SCAPER: variants seen among roughly 807,000 people sequenced by gnomAD.
SCAPER encodes the protein S phase cyclin A-associated protein in the endoplasmic reticulum.
SCAPER carries 98 observed loss-of-function variants against 182.2 expected under a neutral mutation model. The ratio of observed to expected loss-of-function variants is 0.54; its 90% CI spans 0.46 to 0.64. The LOEUF (loss-of-function observed/expected upper bound fraction) is 0.64, where lower values mean the gene tolerates loss of function less well. Ranked by LOEUF, SCAPER falls within the 30% of genes least tolerant of loss-of-function variation. SCAPER has a pLI of 0.00. For missense variants in SCAPER, 1,432 were observed against 1,690.0 expected (o/e 0.85, Z 2.68); for synonymous variants, 605 against 564.6 (o/e 1.07, Z -1.01).
At chr15:76,442,961 C>A (rs922035135) in intron 25 of SCAPER, among the ~76,000 whole-genome samples, 1 of 152,054 alleles carries the variant, frequency 6.6e-6, no homozygotes, top group African/African-American at 2.4e-5. Context: ...ATTTAAAAAA[C>A]CAGTGAAAAA....
chr15:76,574,046 AAAAAACACAG>A, intron 23 of SCAPER, 102 bp downstream of exon 23: 1 of 1,054,948 alleles, frequency 9.5e-7, no homozygotes, highest in Non-Finnish European at 1.2e-6. Flanking sequence ...GACTAGCTTT[AAAAAACACAG>A]AAGAAAGGTA....
At chr15:76,800,128 A>G (rs2065649997) in intron 7 of SCAPER, 120 bp downstream of exon 7, 1 of 239,098 alleles carries the variant, frequency 4.2e-6, no homozygotes, top group African/African-American at 2.3e-5. Context: ...ACCTGTATAC[A>G]GTATTCTGCA....
chr15:76,478,477 CTT>C (rs1290574214), intron 24 of SCAPER, among the ~76,000 whole-genome samples: 2 of 151,932 alleles, frequency 1.3e-5, no homozygotes, highest in Non-Finnish European at 2.9e-5. Flanking sequence ...TTTAAAAATT[CTT>C]TCTCACTCTC....
intron 1 of SCAPER, among the ~76,000 whole-genome samples, chr15:76,887,904 G>C (rs2073939823): frequency 6.6e-6 from 1 of 152,170 alleles, no homozygotes; most frequent in East Asian, 1.9e-4. Flanking sequence ...CTCCCAGGAG[G>C]GGCCAACAGA....
At chr15:76,764,256 G>A (rs971466012) in intron 14 of SCAPER, among the ~76,000 whole-genome samples, 10 of 152,234 alleles carry the variant, frequency 6.6e-5, no homozygotes, top group African/African-American at 2.2e-4. Flanking sequence ...GCAGCTCAGG[G>A]AGCTAGAGTT....
intron 8 of SCAPER, chr15:76,793,327 T>C (rs932498459): frequency 1.4e-6 from 1 of 739,104 alleles, no homozygotes; most frequent in Non-Finnish European, 2.5e-6. Flanking sequence ...ATGTGTCTTT[T>C]TGTATGCTAA....
At chr15:76,419,937 C>G (rs926673930) in intron 26 of SCAPER, among the ~76,000 whole-genome samples, 6 of 152,114 alleles carry the variant, frequency 3.9e-5, no homozygotes, top group African/African-American at 1.4e-4. Flanking sequence ...AGATCATTCA[C>G]TGTAATTAGT....
At chr15:76,757,866 G>A (rs1268157616) in intron 14 of SCAPER, among the ~76,000 whole-genome samples, 2 of 152,124 alleles carry the variant, frequency 1.3e-5, no homozygotes, top group Non-Finnish European at 2.9e-5. Flanking sequence ...TAGATGCTGA[G>A]CACCTTTCCA....
Position 76,765,553 on chromosome 15 carries a change from T to C in SCAPER, c.1495+10A>G. ...CTGTACTACACACCCAATATGCATATACACAATACCTTCATAATCTGCAAG... is the reference window on the plus strand; with the variant it reads ...CTGTACTACACACCCAATATGCATACACACAATACCTTCATAATCTGCAAG... On this transcript the variant is annotated intron_variant, in intron 12 of 31. Coordinates refer to ENST00000563290, the MANE Select transcript of SCAPER (RefSeq NM_020843.4). The C allele has an allele frequency of 6.2e-7, 1 of 1,600,268 alleles. No homozygotes were observed.
chr15:76,469,441 GC>G (rs1416979400), intron 25 of SCAPER, among the ~76,000 whole-genome samples: 2 of 152,084 alleles, frequency 1.3e-5, no homozygotes, highest in African/African-American at 4.8e-5. Context: ...TTAACATTGA[GC>G]CAATAAAACA....
chr15:76,880,345 G>T (rs962351091), intron 2 of SCAPER, among the ~76,000 whole-genome samples: 6 of 152,174 alleles, frequency 3.9e-5, no homozygotes, highest in African/African-American at 1.4e-4. Flanking sequence ...TTTACTTCCT[G>T]ATGATTAAGA....
chr15:76,592,961 AC>A lies in SCAPER; in HGVS notation c.2712-18678del, dbSNP rs753264985. Among the ~76,000 whole-genome samples the A allele has an allele frequency of 2.5e-5, 3 of 118,168 alleles. 1 individual carries two copies. Among genetic ancestry groups the A allele is most frequent in the Non-Finnish European group, 6.2e-5 (3 of 48,426 alleles). 77.5% of individuals were successfully genotyped at this position (118,168 alleles called of 152,430 possible). On this transcript the variant is annotated intron_variant, in intron 22 of 31. Transcript: ENST00000563290. ...ATACCCCAGTGGCACCTGGAACACC[AC>A]CGAGACAGAACCATTCATTACCCTG... is the stretch of plus-strand genomic sequence containing the variant.
chr15:76,502,357 TG>T (rs1298412754), intron 24 of SCAPER, among the ~76,000 whole-genome samples: 1 of 152,028 alleles, frequency 6.6e-6, no homozygotes, highest in African/African-American at 2.4e-5. Flanking sequence ...TTAAGAAAAA[TG>T]TGGCACATAT....
At chr15:76,830,571 T>C (rs1484299928) in intron 5 of SCAPER, among the ~76,000 whole-genome samples, 1 of 151,866 alleles carries the variant, frequency 6.6e-6, no homozygotes. Context: ...TGAGTGGTTT[T>C]GTGAGGTGAG....
intron 24 of SCAPER, among the ~76,000 whole-genome samples, chr15:76,474,630 G>A (rs2050473218): frequency 6.6e-6 from 1 of 152,126 alleles, no homozygotes; most frequent in East Asian, 1.9e-4. Flanking sequence ...GATAATAGAT[G>A]TAAAGTACTT....
chr15:76,832,853 T>G (rs951375134), intron 5 of SCAPER, among the ~76,000 whole-genome samples: 1 of 152,216 alleles, frequency 6.6e-6, no homozygotes, highest in Non-Finnish European at 1.5e-5. Context: ...CAGAAACAGA[T>G]GCTGGATGCT....
chr15:76,657,702 C>A (rs567574993), intron 21 of SCAPER, among the ~76,000 whole-genome samples: 74 of 151,800 alleles, frequency 4.9e-4, no homozygotes, highest in Admixed American at 1.0e-3. Context: ...AGCAACACAT[C>A]AAAAAACTAA....
chr15:76,710,600 C>T (rs1048633236), intron 17 of SCAPER, among the ~76,000 whole-genome samples: 1 of 152,014 alleles, frequency 6.6e-6, no homozygotes, highest in Non-Finnish European at 1.5e-5. Context: ...ACGCAAAAAA[C>T]TACAAAACCT....
At chr15:76,589,124 G>C (rs2048914916) in intron 22 of SCAPER, among the ~76,000 whole-genome samples, 1 of 152,142 alleles carries the variant, frequency 6.6e-6, no homozygotes, top group East Asian at 1.9e-4. Context: ...GAGATGGCAA[G>C]GGAATGAAAT....
Sources: allele counts gnomAD v4.1 joint callset (sites outside exome capture counted in the v4.1 genomes callset), GRCh38; gene constraint gnomAD v4.1.1; transcripts MANE v1.5; gene names NCBI Gene and HGNC (gene_info 2026-07-23, HGNC 2026-07-21).